Variants in SP4 observed in about 807,000 individuals in gnomAD.
SP4 encodes the protein transcription factor Sp4.
A neutral mutation model predicts 72.8 loss-of-function variants in SP4; 19 were observed. The ratio of observed to expected loss-of-function variants is 0.26; its 90% confidence interval spans 0.18 to 0.38. The LOEUF is 0.38. Ranked by LOEUF, SP4 falls within the 10% of genes least tolerant of loss-of-function variation. The pLI, the probability that SP4 is intolerant of heterozygous loss-of-function variation, is 1.00. For synonymous variants in SP4, 395 were observed against 333.1 expected (o/e 1.19, Z -2.02); for missense variants, 1,008 against 926.3 (o/e 1.09, Z -1.14).
At position 21,430,364 on chromosome 7, in the gene SP4, G is replaced by A. The variant is rs1178586870; in HGVS notation, c.1199G>A (p.Gly400Asp). The A allele has an allele frequency of 4.3e-6, 7 of 1,614,008 alleles. No individual in the cohort carries two copies. Among genetic ancestry groups the A allele is most frequent in the Non-Finnish European group, 5.9e-6 (7 of 1,180,052 alleles). ...SNSLQQVQIV[G>D]QPILQQIQIQ... ...TCTCTTCAGCAGGTGCAAATTGTAG[G>A]CCAACCTATCTTACAGCAGATCCAG... Residue 400 changes from glycine (G) to aspartate (D), a missense_variant, in exon 3 of 6, where the codon GGC becomes GAC. By Grantham distance (94) the Gly-to-Asp change is moderately conservative (BLOSUM62 -1). Transcript: ENST00000222584.
chr7:21,507,064 T>C (rs1583451920), intron 5 of SP4, among the ~76,000 whole-genome samples: 1 of 152,182 alleles, frequency 6.6e-6, no homozygotes, highest in East Asian at 1.9e-4. Flanking sequence ...TCATTCCCCT[T>C]TCTCTTCCTA....
In SP4 at chr7:21,430,717, G is replaced by A; in HGVS notation, c.1552G>A (p.Ala518Thr). Residue 518 changes from alanine (A) to threonine (T), a missense_variant, in exon 3 of 6, where the codon GCC becomes ACC. By Grantham distance (58) the Ala-to-Thr change is moderately conservative (BLOSUM62 0). Transcript: ENST00000222584. ...AQIAPVAVAG[A>T]PITLNTAQLA... ...GATTGCTCCTGTGGCTGTTGCTGGT[G>A]CCCCAATAACTTTGAATACTGCCCA... 2 of 1,614,218 alleles carry A rather than the reference G, an allele frequency of 1.2e-6. No homozygotes were observed. Among genetic ancestry groups the A allele is most frequent in the Non-Finnish European group, 1.7e-6 (2 of 1,180,032 alleles).
At chr7:21,444,707 G>C (rs539640384) in intron 3 of SP4, among the ~76,000 whole-genome samples, 1 of 152,112 alleles carries the variant, frequency 6.6e-6, no homozygotes, top group Non-Finnish European at 1.5e-5. Context: ...TGAAGAAGGT[G>C]GTGGTGGTGA....
intron 3 of SP4, among the ~76,000 whole-genome samples, chr7:21,442,034 G>GTGTGTA (rs1562589459): frequency 2.7e-5 from 1 of 37,508 alleles, no homozygotes; most frequent in East Asian, 3.6e-4. Flanking sequence ...GTGTGTGTGT[G>GTGTGTA]TGTATTTTTT....
chr7:21,458,712 C>T (rs567279122), intron 3 of SP4, among the ~76,000 whole-genome samples: 26 of 152,160 alleles, frequency 1.7e-4, no homozygotes, highest in South Asian at 1.7e-3. Context: ...GCTGAATTCC[C>T]TACTACTGAA....
At chr7:21,460,712 A>G (rs1227333687) in intron 3 of SP4, among the ~76,000 whole-genome samples, 1 of 152,118 alleles carries the variant, frequency 6.6e-6, no homozygotes, top group East Asian at 1.9e-4. Context: ...TGCGTTTACA[A>G]TCCCTGAGCT....
intron 3 of SP4, among the ~76,000 whole-genome samples, chr7:21,441,615 A>C (rs1180743455): frequency 6.6e-6 from 1 of 152,232 alleles, no homozygotes; most frequent in African/African-American, 2.4e-5. Context: ...TTTGTAGATA[A>C]AAGTGTAGAA....
At chr7:21,492,073 TA>T (rs902846722) in intron 5 of SP4, among the ~76,000 whole-genome samples, 40 of 152,222 alleles carry the variant, frequency 2.6e-4, no homozygotes, top group African/African-American at 7.5e-4. Flanking sequence ...TATTTACAGT[TA>T]AAAAAAATTA....
chr7:21,429,764 C>T lies in SP4; in HGVS notation c.599C>T (p.Ser200Phe), dbSNP rs1782770022. Residue 200 changes from serine (S) to phenylalanine (F), a missense_variant, in exon 3 of 6, where the codon TCT becomes TTT. By Grantham distance (155) the Ser-to-Phe change is radical. Coordinates refer to ENST00000222584, the MANE Select transcript of SP4 (RefSeq NM_003112.5). The stretch of plus-strand genomic sequence containing the variant: ...TTGCAGGGTCAAATTCAGCTCATTT[C>T]TGCAGGTAATAATCAAGCTATACTC... ...QDLQGQIQLI[S>F]AGNNQAILTA... The T allele has an allele frequency of 6.2e-7, 1 of 1,614,114 alleles. No homozygotes were observed. Among genetic ancestry groups the T allele is most frequent in the Admixed American group, 1.7e-5 (1 of 60,030 alleles).
chr7:21,514,818 A>G lies in SP4; in HGVS notation c.*3549A>G, dbSNP rs1782229327. 6.6e-6 allele frequency: 1 copy of G among 152,174 alleles called. No homozygotes were observed. The highest frequency in any genetic ancestry group is 1.5e-5 in the Non-Finnish European group (1 of 68,030). 9.4% of individuals were successfully genotyped at this position (152,174 alleles called of 1,614,324 possible). ...CAGCAATAAATTATTTGAACTATCA[A>G]CCTACTTATCATGAACACTGGAGAG... is the stretch of plus-strand genomic sequence containing the variant. On this transcript the variant is annotated 3_prime_UTR_variant, in exon 6 of 6. Coordinates refer to ENST00000222584, the MANE Select transcript of SP4 (RefSeq NM_003112.5).
chr7:21,435,046 C>A (rs2282887), intron 3 of SP4, among the ~76,000 whole-genome samples: 25,102 of 152,104 alleles, frequency 0.17, 4,229 homozygotes, highest in East Asian at 0.62. Flanking sequence ...TCCTTAAAGA[C>A]TTTAGAGCTA....
chr7:21,489,710 C>G (rs1784923254), intron 5 of SP4, among the ~76,000 whole-genome samples: 1 of 151,930 alleles, frequency 6.6e-6, no homozygotes, highest in African/African-American at 2.4e-5. Context: ...CAGGCGCCCG[C>G]CACCACACCC....
chr7:21,430,765 C>A lies in SP4; in HGVS notation c.1600C>A (p.Gln534Lys). ...CCAGCTTGCATCAGTGCCTAACCTT[C>A]AGACAGTGAGCGTTGCCAACCTGGG... ...TAQLASVPNL[Q>K]TVSVANLGAA... Residue 534 changes from glutamine to lysine, a missense_variant, in exon 3 of 6, where the codon CAG becomes AAG. Physicochemically the swap from Gln to Lys is moderately conservative, Grantham distance 53. This residue lies in a region of SP4 where 893 missense variants were observed against 743.3 expected (regional missense o/e 1.20). Coordinates refer to ENST00000222584, the MANE Select transcript of SP4 (RefSeq NM_003112.5). The A allele has an allele frequency of 6.2e-7, 1 of 1,614,238 alleles. No homozygotes were observed. Among genetic ancestry groups the A allele is most frequent in the Non-Finnish European group, 8.5e-7 (1 of 1,180,044 alleles).
intron 3 of SP4, among the ~76,000 whole-genome samples, chr7:21,439,103 TC>T (rs1783146338): frequency 6.6e-6 from 1 of 152,186 alleles, no homozygotes; most frequent in Non-Finnish European, 1.5e-5. Context: ...TGGAACATAT[TC>T]CCCCCTCTGA....
intron 3 of SP4, among the ~76,000 whole-genome samples, chr7:21,446,387 G>GC (rs1413500147): frequency 1.3e-5 from 2 of 152,044 alleles, no homozygotes; most frequent in African/African-American, 4.8e-5. Flanking sequence ...AAACTGGAAA[G>GC]CAAACATGTT....
intron 5 of SP4, among the ~76,000 whole-genome samples, chr7:21,486,757 T>C (rs373806302): frequency 8.6e-4 from 131 of 152,290 alleles, no homozygotes; most frequent in Middle Eastern, 3.4e-3. Flanking sequence ...GTTTCTCTCT[T>C]TCCATATTGT....
In SP4 at chr7:21,513,608, T is replaced by G. The variant is rs1782200505; in HGVS notation, c.*2339T>G. The G allele has an allele frequency of 1.3e-5, 2 of 152,580 alleles. No individual in the cohort carries two copies. Among genetic ancestry groups the G allele is most frequent in the African/African-American group, 4.8e-5 (2 of 41,458 alleles). The allele number at this position is 152,580 out of a possible 1,614,324, so 9.5% of individuals were successfully genotyped here. On this transcript the variant is annotated 3_prime_UTR_variant, in exon 6 of 6. Transcript: ENST00000222584. The stretch of plus-strand genomic sequence containing the variant: ...AATTTTTTTATGCAAAGAAACTTTC[T>G]TAATGTTTTAATCATGTTTCCTCAG...
chr7:21,479,974 T>G (rs1784632655), intron 4 of SP4, among the ~76,000 whole-genome samples: 1 of 122,380 alleles, frequency 8.2e-6, no homozygotes, highest in Non-Finnish European at 1.7e-5. Context: ...TTTTGATTAG[T>G]TATAACAGTT....
intron 3 of SP4, among the ~76,000 whole-genome samples, chr7:21,439,248 CA>C (rs1783152260): frequency 6.6e-6 from 1 of 152,096 alleles, no homozygotes; most frequent in African/African-American, 2.4e-5. Context: ...TAAAAGAGCC[CA>C]AATTGTGGGA....
Sources: allele counts gnomAD v4.1 joint callset (sites outside exome capture counted in the v4.1 genomes callset), GRCh38; gene constraint gnomAD v4.1.1; regional missense constraint gnomAD v4.1.1; transcripts MANE v1.5; gene names NCBI Gene and HGNC (gene_info 2026-07-23, HGNC 2026-07-21).